LIMS1: variants seen among roughly 807,000 people sequenced by gnomAD.
LIMS1 encodes the protein LIM zinc finger domain containing 1.
LIMS1 carries 18 observed loss-of-function variants against 44.1 expected under a neutral mutation model. The observed-to-expected ratio is 0.41, with a 90% CI of 0.28 to 0.61. LIMS1 has a LOEUF of 0.61. LIMS1 is among the 20% of genes least tolerant of loss of function. LIMS1 has a pLI of 0.32. For missense variants in LIMS1, 201 were observed against 422.0 expected, an observed-to-expected ratio of 0.48 and a Z score of 4.59; for synonymous variants, 93 against 149.1, an observed-to-expected ratio of 0.62 and a Z score of 2.74.
intron 2 of LIMS1, among the ~76,000 whole-genome samples, chr2:108,668,476 T>C (rs1483502862): frequency 6.6e-6 from 1 of 152,244 alleles, no homozygotes; most frequent in Non-Finnish European, 1.5e-5. Context: ...TATTTGTCCT[T>C]CTGTGCTTAT....
chr2:108,558,441 C>T (rs1685000841), intron 1 of LIMS1, among the ~76,000 whole-genome samples: 1 of 151,832 alleles, frequency 6.6e-6, no homozygotes, highest in Non-Finnish European at 1.5e-5. Context: ...GATCTCCTGA[C>T]CTCGTGATCC....
At chr2:108,675,553 T>A (rs1226201977) in intron 5 of LIMS1, among the ~76,000 whole-genome samples, 1 of 152,186 alleles carries the variant, frequency 6.6e-6, no homozygotes, top group Non-Finnish European at 1.5e-5. Context: ...CTGTGATTAT[T>A]CCCTGTAGCT....
chr2:108,551,887 GTATATACATGTATATATGTA>G (rs2104591053), intron 1 of LIMS1, among the ~76,000 whole-genome samples: 1 of 142,474 alleles, frequency 7.0e-6, no homozygotes, highest in South Asian at 2.2e-4. Flanking sequence ...GTATATATGT[GTATATACATGTATATATGTA>G]TATGTGTGTA....
At chr2:108,639,395 A>G (rs1689507405) in intron 1 of LIMS1, among the ~76,000 whole-genome samples, 1 of 152,238 alleles carries the variant, frequency 6.6e-6, no homozygotes, top group South Asian at 2.1e-4. Context: ...ATAATTCTAA[A>G]GTCACCTTGC....
At chr2:108,585,475 C>T (rs550469610) in intron 1 of LIMS1, among the ~76,000 whole-genome samples, 3 of 152,130 alleles carry the variant, frequency 2.0e-5, no homozygotes, top group South Asian at 4.2e-4. Context: ...TTGCCTGTGA[C>T]GATATCTGTA....
intron 9 of LIMS1, among the ~76,000 whole-genome samples, chr2:108,683,624 A>G (rs1251038206): frequency 6.6e-6 from 1 of 152,066 alleles, no homozygotes; most frequent in Non-Finnish European, 1.5e-5. Flanking sequence ...GTACTGAATA[A>G]AATGTAATCT....
At chr2:108,620,040 A>G (rs1688149781) in intron 1 of LIMS1, among the ~76,000 whole-genome samples, 1 of 152,198 alleles carries the variant, frequency 6.6e-6, no homozygotes, top group South Asian at 2.1e-4. Flanking sequence ...TTAAAAACAT[A>G]TGCTGTGTTT....
intron 1 of LIMS1, among the ~76,000 whole-genome samples, chr2:108,585,878 G>A (rs1425934143): frequency 2.0e-5 from 3 of 152,168 alleles, no homozygotes; most frequent in Non-Finnish European, 4.4e-5. Context: ...TGAGTAAATA[G>A]GAGTTGAGAT....
chr2:108,584,502 T>G (rs1191273860), intron 1 of LIMS1, among the ~76,000 whole-genome samples: 1 of 151,954 alleles, frequency 6.6e-6, no homozygotes, highest in African/African-American at 2.4e-5. Context: ...GTATCTAGTG[T>G]GTCTGCTAGG....
intron 2 of LIMS1, among the ~76,000 whole-genome samples, chr2:108,667,023 A>G (rs826680): frequency 0.33 from 49,682 of 149,906 alleles, 8,806 homozygotes; most frequent in Middle Eastern, 0.51. Flanking sequence ...TGAATTAAAC[A>G]CTTGGCCACT....
chr2:108,661,656 G>A (rs1691380984), intron 2 of LIMS1, among the ~76,000 whole-genome samples: 1 of 152,162 alleles, frequency 6.6e-6, no homozygotes, highest in Admixed American at 6.6e-5. Flanking sequence ...AGGTGCTGCG[G>A]CAGCAAGAAG....
At chr2:108,673,439 G>A (rs1163455849) in intron 5 of LIMS1, 1 of 257,632 alleles carries the variant, frequency 3.9e-6, no homozygotes, top group Non-Finnish European at 7.5e-6. Flanking sequence ...CCAGGCTGAA[G>A]TGCAGTGGGC....
At chr2:108,659,625 C>G in exon 2 of LIMS1, 1 of 1,612,040 alleles carries the variant, frequency 6.2e-7, no homozygotes, top group Non-Finnish European at 8.5e-7. Flanking sequence ...AACGCCCTGG[C>G]CAGCGCCACT....
chr2:108,534,424 C>G (rs1158523067), exon 1 of LIMS1: 2 of 526,306 alleles, frequency 3.8e-6, no homozygotes, highest in East Asian at 5.7e-5. Context: ...CGCGCCCCCG[C>G]GCGGCCGGCC....
rs1211225064 is a variant in LIMS1 at position 108,662,164 on chromosome 2, CCT to C, written c.192+2401_192+2402del. On this transcript the variant is annotated intron_variant, in intron 2 of 9. Transcript: ENST00000544547. ...CTTATATCCCTGGCTTGCTCTTTCC[CCT>C]GTGAGCACCCTGTAGCTCCAGCCCT... 73 of 1,611,800 alleles carry C rather than the reference CCT, an allele frequency of 4.5e-5. No individual in the cohort carries two copies. In the East Asian group the frequency reaches 1.6e-3, roughly 36 times the overall value.
At position 108,590,572 on chromosome 2, in the gene LIMS1, AAG is replaced by A. The variant is rs200065444; in HGVS notation, c.32+55981_32+55982del. ...TGTCAAGTTTTTGAGGCTAACCAAA[AAG>A]AGCGGGGAACCCCCTTCAATTCTAA... On this transcript the variant is annotated intron_variant, in intron 1 of 9. Transcript: ENST00000544547. Among the ~76,000 whole-genome samples the A allele has an allele frequency of 3.9e-3, 594 of 152,352 alleles. 1 individual carries two copies. The highest frequency in any genetic ancestry group is 0.012 in the African/African-American group (487 of 41,590).
chr2:108,656,337 A>G (rs916996475), intron 1 of LIMS1, among the ~76,000 whole-genome samples: 1 of 151,866 alleles, frequency 6.6e-6, no homozygotes, highest in Admixed American at 6.6e-5. Context: ...ATAGATAGAT[A>G]GATAGATAGA....
intron 1 of LIMS1, among the ~76,000 whole-genome samples, chr2:108,632,711 A>G (rs1689002600): frequency 6.6e-6 from 1 of 152,220 alleles, no homozygotes; most frequent in Non-Finnish European, 1.5e-5. Flanking sequence ...GAGTAGTGGC[A>G]CTTCAGCAAC....
chr2:108,569,184 C>A (rs1336505411), intron 1 of LIMS1, among the ~76,000 whole-genome samples: 4 of 152,182 alleles, frequency 2.6e-5, no homozygotes, highest in African/African-American at 9.7e-5. Flanking sequence ...AGCCACCGCA[C>A]CTGGCCGTGT....
Sources: gnomAD v4.1 joint callset for allele counts (sites outside exome capture counted in the v4.1 genomes callset) on GRCh38, gnomAD v4.1.1 for gene constraint, MANE v1.5 for transcripts, NCBI Gene and HGNC (gene_info 2026-07-23, HGNC 2026-07-21) for gene names.